The following GABBR2 variants were observed in gnomAD, a reference collection of about 807,000 sequenced individuals.
The protein encoded by GABBR2 is G-protein coupled receptor 51.
GABBR2 carries 23 observed loss-of-function variants against 105.6 expected under a neutral mutation model. That is an observed-to-expected ratio of 0.22 (90% CI 0.16 to 0.31). The LOEUF (loss-of-function observed/expected upper bound fraction) is 0.31, where lower values mean the gene tolerates loss of function less well. Among genes scored for constraint, GABBR2 ranks in the 10% least tolerant of loss-of-function variants. The pLI, the probability that GABBR2 is intolerant of heterozygous loss-of-function variation, is 1.00. For missense variants in GABBR2, 734 were observed against 1,245.5 expected, an observed-to-expected ratio of 0.59 and a Z score of 6.18; for synonymous variants, 478 against 499.7, an observed-to-expected ratio of 0.96 and a Z score of 0.58.
intron 6 of GABBR2, among the ~76,000 whole-genome samples, chr9:98,466,752 G>T (rs937823769): frequency 1.3e-5 from 2 of 152,150 alleles, no homozygotes; most frequent in African/African-American, 2.4e-5. Context: ...TTACTCTTAG[G>T]TTCAGCTGCA....
At chr9:98,391,151 T>C (rs997218247) in intron 9 of GABBR2, among the ~76,000 whole-genome samples, 1 of 152,078 alleles carries the variant, frequency 6.6e-6, no homozygotes. Context: ...GCACCAATGA[T>C]ACAAAGATGA....
At chr9:98,452,725 A>G (rs1425188576) in intron 7 of GABBR2, among the ~76,000 whole-genome samples, 2 of 152,200 alleles carry the variant, frequency 1.3e-5, no homozygotes, top group Non-Finnish European at 2.9e-5. Flanking sequence ...TATTTTCCCA[A>G]CTTCCATGCA....
intron 2 of GABBR2, chr9:98,555,803 A>G (rs1346476011): frequency 2.6e-5 from 4 of 152,216 alleles, no homozygotes; most frequent in Non-Finnish European, 5.9e-5. Flanking sequence ...TTCTGGGATC[A>G]TACTTCCTAC....
chr9:98,564,646 G>A (rs1828724218), intron 2 of GABBR2, among the ~76,000 whole-genome samples: 1 of 152,204 alleles, frequency 6.6e-6, no homozygotes, highest in South Asian at 2.1e-4. Context: ...AAAGGCTATA[G>A]ACATGTGACA....
chr9:98,550,939 A>C (rs1463608009), intron 2 of GABBR2, among the ~76,000 whole-genome samples: 1 of 147,600 alleles, frequency 6.8e-6, no homozygotes, highest in Non-Finnish European at 1.5e-5. Flanking sequence ...TCCTCATCCT[A>C]CACTCACTCA....
chr9:98,355,163 CTGGGCATGGTTTGTGG>C lies in GABBR2; in HGVS notation c.1893+7536_1893+7551del, dbSNP rs1159024198. On this transcript the variant is annotated intron_variant, in intron 13 of 18. Transcript: ENST00000259455. ...TAACAAATAAAGTCTGCCCTCTTAT[CTGGGCATGGTTTGTGG>C]TACCCCAAAACAATTACAATAGTAA... Among the ~76,000 whole-genome samples, 4 of 152,020 alleles carry C rather than the reference CTGGGCATGGTTTGTGG, an allele frequency of 2.6e-5. 1 individual carries two copies. Among genetic ancestry groups the C allele is most frequent in the African/African-American group, 9.7e-5 (4 of 41,374 alleles).
chr9:98,436,038 C>G (rs1016099789), intron 7 of GABBR2, among the ~76,000 whole-genome samples: 1 of 151,352 alleles, frequency 6.6e-6, no homozygotes, highest in African/African-American at 2.4e-5. Flanking sequence ...ACAGTTGTAC[C>G]CCCAGCAGCC....
chr9:98,413,754 G>A (rs1588147769), intron 7 of GABBR2, among the ~76,000 whole-genome samples: 1 of 152,212 alleles, frequency 6.6e-6, no homozygotes, highest in South Asian at 2.1e-4. Context: ...AAAGCATGTG[G>A]TGGCCTAAGG....
intron 1 of GABBR2, among the ~76,000 whole-genome samples, chr9:98,620,021 T>C (rs139622307): frequency 1.6e-3 from 238 of 152,298 alleles, no homozygotes; most frequent in Non-Finnish European, 2.8e-3. Flanking sequence ...ACACCTGTCT[T>C]ACAGAGAGGC....
chr9:98,692,433 G>A (rs1216584617), intron 1 of GABBR2, among the ~76,000 whole-genome samples: 1 of 152,222 alleles, frequency 6.6e-6, no homozygotes, highest in East Asian at 1.9e-4. Context: ...GAAATAGAAA[G>A]TGCATTCTCG....
intron 3 of GABBR2, among the ~76,000 whole-genome samples, chr9:98,520,242 T>C (rs1164051794): frequency 1.3e-5 from 2 of 152,122 alleles, no homozygotes; most frequent in Non-Finnish European, 2.9e-5. Flanking sequence ...TGCCATGGGA[T>C]TGGGGGAAGG....
chr9:98,512,936 C>A (rs1272791661), intron 3 of GABBR2, among the ~76,000 whole-genome samples: 1 of 151,994 alleles, frequency 6.6e-6, no homozygotes, highest in African/African-American at 2.4e-5. Context: ...AAAAAAGAGC[C>A]CGCATCACCA....
chr9:98,698,886 A>G (rs555015017), intron 1 of GABBR2, among the ~76,000 whole-genome samples: 1 of 152,258 alleles, frequency 6.6e-6, no homozygotes, highest in South Asian at 2.1e-4. Context: ...GAGCATACCC[A>G]GTTCCTGAGT....
intron 3 of GABBR2, among the ~76,000 whole-genome samples, chr9:98,530,160 G>A (rs1828038578): frequency 6.6e-6 from 1 of 152,216 alleles, no homozygotes; most frequent in Non-Finnish European, 1.5e-5. Context: ...GGGAAGGGTG[G>A]TAGGAGCAGC....
intron 1 of GABBR2, among the ~76,000 whole-genome samples, chr9:98,675,329 C>T (rs539929695): frequency 6.6e-6 from 1 of 152,104 alleles, no homozygotes; most frequent in Admixed American, 6.5e-5. Context: ...AGGTGAACGG[C>T]TGTGGCAGGT....
chr9:98,344,551 C>T (rs1233025163), intron 13 of GABBR2, among the ~76,000 whole-genome samples: 1 of 152,016 alleles, frequency 6.6e-6, no homozygotes, highest in African/African-American at 2.4e-5. Flanking sequence ...GTCTCTGGAG[C>T]CCTCACTCTC....
chr9:98,483,531 G>T (rs1826976754), intron 4 of GABBR2, among the ~76,000 whole-genome samples: 1 of 152,168 alleles, frequency 6.6e-6, no homozygotes, highest in Non-Finnish European at 1.5e-5. Context: ...AAGATCCTAT[G>T]CAGTCTTTAC....
At chr9:98,631,547 A>G (rs146415489) in intron 1 of GABBR2, among the ~76,000 whole-genome samples, 1 of 152,346 alleles carries the variant, frequency 6.6e-6, no homozygotes, top group African/African-American at 2.4e-5. Flanking sequence ...AGCACATGTT[A>G]GCCATCAATC....
At chr9:98,430,800 G>A (rs1456493103) in intron 7 of GABBR2, among the ~76,000 whole-genome samples, 1 of 151,894 alleles carries the variant, frequency 6.6e-6, no homozygotes, top group African/African-American at 2.4e-5. Flanking sequence ...CCCCCTTCCT[G>A]TGCTGGAAAC....
Sources: gnomAD v4.1 joint callset for allele counts (sites outside exome capture counted in the v4.1 genomes callset) on GRCh38, gnomAD v4.1.1 for gene constraint, MANE v1.5 for transcripts, NCBI Gene and HGNC (gene_info 2026-07-23, HGNC 2026-07-21) for gene names.